The following CD53 variants were observed in gnomAD, a reference collection of about 807,000 sequenced individuals.
CD53 encodes the protein CD53 molecule.
A neutral mutation model predicts 27.3 loss-of-function variants in CD53; 20 were observed. The ratio of observed to expected loss-of-function variants is 0.73; its 90% CI spans 0.52 to 1.07. The LOEUF is 1.07. CD53 is among the 50% of genes least tolerant of loss of function. The pLI, the probability that CD53 is intolerant of heterozygous loss-of-function variation, is 0.00. For synonymous variants in CD53, 106 were observed against 105.3 expected, an observed-to-expected ratio of 1.01 and a Z score of -0.04; for missense variants, 216 against 264.0, an observed-to-expected ratio of 0.82 and a Z score of 1.26.
intron 5 of CD53, 44 bp from the exon 6 acceptor site, chr1:110,896,609 T>C (rs1293120041): frequency 3.2e-6 from 5 of 1,579,220 alleles, no homozygotes; most frequent in Non-Finnish European, 3.5e-6. Flanking sequence ...TTTTTTTCAC[T>C]GTTGACTTTC....
chr1:110,891,540 T>TAGAG, intron 2 of CD53, 69 bp downstream of exon 2: 1 of 1,207,688 alleles, frequency 8.3e-7, no homozygotes, highest in Non-Finnish European at 1.2e-6. Context: ...ATTCCTCTAC[T>TAGAG]GAAGAGGCTG....
At chr1:110,871,872 G>C (rs979971764), upstream of CD53, among the ~76,000 whole-genome samples, 2 of 149,752 alleles carry the variant, frequency 1.3e-5, no homozygotes, top group African/African-American at 5.0e-5. Context: ...GCTCAGATAA[G>C]TTTGGAGAAA....
chr1:110,891,285 C>G (rs1352201928), intron 1 of CD53, 107 bp from the exon 2 acceptor site: 1 of 783,310 alleles, frequency 1.3e-6, no homozygotes, highest in African/African-American at 1.7e-5. Context: ...AGGAGAGCCA[C>G]AGCTCAAACC....
intron 2 of CD53, 149 bp from the exon 3 acceptor site, chr1:110,892,196 A>G: frequency 1.5e-6 from 1 of 688,830 alleles, no homozygotes; most frequent in Non-Finnish European, 2.6e-6. Context: ...CAATGTAAGC[A>G]TGGAAAAGTT....
chr1:110,876,470 T>A (rs1453810666), intron 1 of CD53, among the ~76,000 whole-genome samples: 1 of 152,196 alleles, frequency 6.6e-6, no homozygotes, highest in East Asian at 1.9e-4. Context: ...AACATATATT[T>A]TATTTTCCAA....
intron 1 of CD53, among the ~76,000 whole-genome samples, chr1:110,890,734 C>G (rs1466605864): frequency 6.6e-6 from 1 of 152,202 alleles, no homozygotes; most frequent in African/African-American, 2.4e-5. Flanking sequence ...ACATTGCTAT[C>G]TCTTTTTACT....
At chr1:110,875,354 A>G (rs1015355607) in intron 1 of CD53, among the ~76,000 whole-genome samples, 4 of 152,178 alleles carry the variant, frequency 2.6e-5, no homozygotes, top group African/African-American at 9.7e-5. Context: ...GGGTGGGGCT[A>G]TGCCCACCAT....
chr1:110,895,797 A>G (rs1206880460), intron 5 of CD53, among the ~76,000 whole-genome samples: 1 of 152,194 alleles, frequency 6.6e-6, no homozygotes, highest in Non-Finnish European at 1.5e-5. Flanking sequence ...CCAACTCTTC[A>G]ATAGTTAACA....
chr1:110,886,423 T>G (rs1210703049), intron 1 of CD53, among the ~76,000 whole-genome samples: 1 of 152,176 alleles, frequency 6.6e-6, no homozygotes. Flanking sequence ...AATTTAGGAT[T>G]TTATTTAGTC....
intron 1 of CD53, among the ~76,000 whole-genome samples, chr1:110,879,719 C>CT (rs530364843): frequency 2.0e-4 from 29 of 148,208 alleles, no homozygotes; most frequent in Middle Eastern, 3.4e-3. Flanking sequence ...GATAGAGGTT[C>CT]TTTTTTTTTT....
At chr1:110,883,986 G>T (rs889849381) in intron 1 of CD53, among the ~76,000 whole-genome samples, 1 of 151,784 alleles carries the variant, frequency 6.6e-6, no homozygotes, top group Admixed American at 6.6e-5. Context: ...CTTTTGTGGG[G>T]TTTTTAAAAT....
intron 5 of CD53, 63 bp downstream of exon 5, chr1:110,895,118 G>A (rs1657008117): frequency 8.3e-7 from 1 of 1,205,340 alleles, no homozygotes; most frequent in Admixed American, 1.7e-5. Context: ...TAAATCCTTG[G>A]GGGCTAGTTC....
chr1:110,892,128 A>C (rs940014283), intron 2 of CD53, among the ~76,000 whole-genome samples: 4 of 152,224 alleles, frequency 2.6e-5, no homozygotes, highest in African/African-American at 9.6e-5. Context: ...TGGTATCTGG[A>C]GATGGGTAGG....
At chr1:110,878,382 C>T (rs1199213185) in intron 1 of CD53, among the ~76,000 whole-genome samples, 1 of 151,818 alleles carries the variant, frequency 6.6e-6, no homozygotes, top group Non-Finnish European at 1.5e-5. Flanking sequence ...GATAGGGAGC[C>T]GTAATTACCT....
At chr1:110,885,351 C>A (rs1440009207) in intron 1 of CD53, among the ~76,000 whole-genome samples, 1 of 151,552 alleles carries the variant, frequency 6.6e-6, no homozygotes, top group African/African-American at 2.4e-5. Flanking sequence ...GAGATCGAGA[C>A]CACGGGGAAA....
chr1:110,889,470 A>G (rs1375649329), intron 1 of CD53, among the ~76,000 whole-genome samples: 1 of 152,162 alleles, frequency 6.6e-6, no homozygotes, highest in African/African-American at 2.4e-5. Flanking sequence ...AGGCAGGAGA[A>G]TGGCTTGAAT....
At chr1:110,872,947 C>T (rs1368470904), upstream of CD53, among the ~76,000 whole-genome samples, 1 of 152,162 alleles carries the variant, frequency 6.6e-6, no homozygotes, top group Non-Finnish European at 1.5e-5. Flanking sequence ...CCTGAACCAA[C>T]TTGGTTTTGA....
intron 1 of CD53, among the ~76,000 whole-genome samples, chr1:110,886,814 T>C (rs1656621835): frequency 6.9e-6 from 1 of 145,806 alleles, no homozygotes; most frequent in Admixed American, 7.0e-5. Context: ...CACTGCACTC[T>C]AGCCTAGGCA....
chr1:110,894,669 G>A (rs1656988999), intron 4 of CD53, among the ~76,000 whole-genome samples: 1 of 152,164 alleles, frequency 6.6e-6, no homozygotes. Context: ...TGGCAGGAGA[G>A]AATGTCTGCC....
Sources: allele counts gnomAD v4.1 joint callset (sites outside exome capture counted in the v4.1 genomes callset), GRCh38; gene constraint gnomAD v4.1.1; transcripts MANE v1.5; gene names NCBI Gene and HGNC (gene_info 2026-07-23, HGNC 2026-07-21).